CSMD1: variants seen among roughly 807,000 people sequenced by gnomAD.
CSMD1 encodes CUB and sushi domain-containing protein 1.
In CSMD1, 213 loss-of-function variants were observed where a neutral mutation model predicts 417.5. The ratio of observed to expected loss-of-function variants is 0.51; its 90% CI spans 0.46 to 0.57. The LOEUF (loss-of-function observed/expected upper bound fraction) is 0.57, where lower values mean the gene tolerates loss of function less well. Ranked by LOEUF, CSMD1 falls within the 20% of genes least tolerant of loss-of-function variation. The probability of loss-of-function intolerance (pLI) is 0.00; values close to 1 mark genes in which losing one functional copy is unlikely to be tolerated. For synonymous variants in CSMD1, 2,862 were observed against 1,736.8 expected (o/e 1.65, Z -16.11); for missense variants, 6,923 against 4,529.7 (o/e 1.53, Z -15.17).
At chr8:3,115,169 C>T (rs576259987) in intron 42 of CSMD1, among the ~76,000 whole-genome samples, 16 of 148,652 alleles carry the variant, frequency 1.1e-4, no homozygotes, top group African/African-American at 3.7e-4. Flanking sequence ...CCAAATTCTA[C>T]TTAATCATAT....
At chr8:3,125,113 CAAT>C in intron 41 of CSMD1, among the ~76,000 whole-genome samples, 1 of 152,284 alleles carries the variant, frequency 6.6e-6, no homozygotes, top group African/African-American at 2.4e-5. Flanking sequence ...ACACTTCACA[CAAT>C]AAGGTATAAA....
chr8:3,315,433 A>AGTGT (rs1188500819), intron 23 of CSMD1, among the ~76,000 whole-genome samples: 6 of 44,810 alleles, frequency 1.3e-4, no homozygotes, highest in Non-Finnish European at 3.0e-4. Context: ...TTCTAGGTGA[A>AGTGT]GTGAGTGTGT....
At chr8:3,565,293 C>T (rs1799657159) in intron 10 of CSMD1, among the ~76,000 whole-genome samples, 1 of 151,820 alleles carries the variant, frequency 6.6e-6, no homozygotes, top group Admixed American at 6.6e-5. Flanking sequence ...GCCAGGCGTC[C>T]TCCTTTCCCC....
chr8:3,107,377 TA>T (rs1449738969), intron 45 of CSMD1, among the ~76,000 whole-genome samples: 1 of 152,178 alleles, frequency 6.6e-6, no homozygotes, highest in Non-Finnish European at 1.5e-5. Flanking sequence ...TGTGTCCCCC[TA>T]ACTGAAAGCA....
At chr8:3,652,264 A>G (rs1458222544) in intron 7 of CSMD1, among the ~76,000 whole-genome samples, 1 of 151,764 alleles carries the variant, frequency 6.6e-6, no homozygotes, top group African/African-American at 2.4e-5. Context: ...ACTTACCACC[A>G]TCAGTGCGCT....
intron 2 of CSMD1, among the ~76,000 whole-genome samples, chr8:4,522,952 C>A (rs1432603409): frequency 1.3e-5 from 2 of 152,078 alleles, no homozygotes; most frequent in African/African-American, 2.4e-5. Flanking sequence ...TAGGGAAGAA[C>A]CTGGAAATGG....
chr8:4,476,064 G>A (rs370041872), intron 2 of CSMD1, among the ~76,000 whole-genome samples: 2 of 151,898 alleles, frequency 1.3e-5, no homozygotes, highest in East Asian at 3.9e-4. Flanking sequence ...AAGACAGTGT[G>A]ATTTTTTCAA....
chr8:3,528,774 G>A (rs1312932049), intron 10 of CSMD1, among the ~76,000 whole-genome samples: 1 of 152,188 alleles, frequency 6.6e-6, no homozygotes, highest in Non-Finnish European at 1.5e-5. Context: ...CTGCAAAACT[G>A]AAGGTTGACA....
chr8:3,370,949 C>A (rs1325139603), intron 18 of CSMD1, among the ~76,000 whole-genome samples: 1 of 151,850 alleles, frequency 6.6e-6, no homozygotes, highest in African/African-American at 2.4e-5. Flanking sequence ...GCACTCCAGC[C>A]TGGGGCAACA....
chr8:4,107,531 G>C (rs1801630376), intron 3 of CSMD1, among the ~76,000 whole-genome samples: 1 of 152,176 alleles, frequency 6.6e-6, no homozygotes, highest in African/African-American at 2.4e-5. Context: ...ATTGATATCT[G>C]GGCTAATTTT....
At chr8:3,267,891 C>G (rs992051150) in intron 26 of CSMD1, among the ~76,000 whole-genome samples, 2 of 152,132 alleles carry the variant, frequency 1.3e-5, no homozygotes, top group African/African-American at 2.4e-5. Flanking sequence ...AGAGTCCTAA[C>G]TCACTGGGGT....
At chr8:4,924,198 G>C (rs1806696923) in intron 1 of CSMD1, among the ~76,000 whole-genome samples, 1 of 152,106 alleles carries the variant, frequency 6.6e-6, no homozygotes, top group Non-Finnish European at 1.5e-5. Flanking sequence ...AAAAATGTAG[G>C]ATCCACTTTG....
At chr8:3,107,574 C>CTT in intron 45 of CSMD1, 144 bp downstream of exon 45, 1 of 557,554 alleles carries the variant, frequency 1.8e-6, no homozygotes, top group Non-Finnish European at 3.1e-6. Flanking sequence ...CTCAGCAATA[C>CTT]TTTAAGGATA....
intron 3 of CSMD1, among the ~76,000 whole-genome samples, chr8:4,247,853 A>G (rs554835814): frequency 6.6e-6 from 1 of 152,290 alleles, no homozygotes; most frequent in East Asian, 1.9e-4. Context: ...ATTCTATCAC[A>G]TCGTTATAGA....
chr8:4,298,971 A>G (rs1488141438), intron 3 of CSMD1, among the ~76,000 whole-genome samples: 2 of 152,128 alleles, frequency 1.3e-5, no homozygotes, highest in East Asian at 1.9e-4. Context: ...TAATAGAACA[A>G]TGAAAGTGTT....
At chr8:3,532,230 G>C (rs764285817) in intron 10 of CSMD1, among the ~76,000 whole-genome samples, 3 of 152,104 alleles carry the variant, frequency 2.0e-5, no homozygotes, top group South Asian at 2.1e-4. Flanking sequence ...TTGGGTGTGA[G>C]ACCAAGAACT....
intron 12 of CSMD1, among the ~76,000 whole-genome samples, chr8:3,433,599 G>A (rs1041982750): frequency 1.8e-4 from 28 of 152,120 alleles, no homozygotes; most frequent in African/African-American, 6.8e-4. Context: ...ACACTCTAGT[G>A]CTGACGAGGG....
intron 2 of CSMD1, among the ~76,000 whole-genome samples, chr8:4,457,989 C>A (rs1056713535): frequency 6.6e-6 from 1 of 152,140 alleles, no homozygotes; most frequent in Non-Finnish European, 1.5e-5. Context: ...GTGGCACTTC[C>A]CCTGAGAGGT....
chr8:3,733,080 G>C (rs189832600), intron 6 of CSMD1, among the ~76,000 whole-genome samples: 8 of 151,548 alleles, frequency 5.3e-5, no homozygotes, highest in Admixed American at 4.0e-4. Flanking sequence ...TTTTATAAAA[G>C]TGACACAAAC....
Sources: gnomAD v4.1 joint callset for allele counts (sites outside exome capture counted in the v4.1 genomes callset) on GRCh38, gnomAD v4.1.1 for gene constraint, MANE v1.5 for transcripts, NCBI Gene and HGNC (gene_info 2026-07-23, HGNC 2026-07-21) for gene names.